CADM2: variants seen among roughly 807,000 people sequenced by gnomAD.
CADM2 encodes immunoglobulin superfamily member 4D.
CADM2 carries 12 observed loss-of-function variants against 49.8 expected under a neutral mutation model. That is an observed-to-expected ratio of 0.24 (90% CI 0.15 to 0.39). The LOEUF (loss-of-function observed/expected upper bound fraction) is 0.39. Among genes scored for constraint, CADM2 ranks in the 10% least tolerant of loss-of-function variants. The probability of loss-of-function intolerance (pLI) is 1.00; values close to 1 mark genes in which losing one functional copy is unlikely to be tolerated. For missense variants in CADM2, 378 were observed against 492.3 expected, an observed-to-expected ratio of 0.77 and a Z score of 2.20; for synonymous variants, 214 against 175.4, an observed-to-expected ratio of 1.22 and a Z score of -1.74.
chr3:85,682,953 C>T (rs2066081673), intron 1 of CADM2, among the ~76,000 whole-genome samples: 1 of 151,766 alleles, frequency 6.6e-6, no homozygotes, highest in Admixed American at 6.6e-5. Context: ...ATAATATGCC[C>T]AAAGGTAAAA....
At chr3:85,964,001 A>T (rs1725166215) in intron 8 of CADM2, among the ~76,000 whole-genome samples, 1 of 151,912 alleles carries the variant, frequency 6.6e-6, no homozygotes, top group East Asian at 2.0e-4. Flanking sequence ...TGCTGTGTTT[A>T]AAAGGGGCGC....
At chr3:85,149,396 T>C (rs1452574945) in intron 1 of CADM2, among the ~76,000 whole-genome samples, 2 of 152,228 alleles carry the variant, frequency 1.3e-5, no homozygotes, top group African/African-American at 4.8e-5. Flanking sequence ...TATGCTTTTA[T>C]AGCAGCAAAA....
At chr3:85,397,989 A>G (rs762165537) in intron 1 of CADM2, among the ~76,000 whole-genome samples, 2 of 152,104 alleles carry the variant, frequency 1.3e-5, no homozygotes, top group African/African-American at 2.4e-5. Context: ...GGTGACATCC[A>G]GAAGCCTTTT....
chr3:84,995,310 A>C (rs2033118299), intron 1 of CADM2, among the ~76,000 whole-genome samples: 1 of 152,202 alleles, frequency 6.6e-6, no homozygotes, highest in Non-Finnish European at 1.5e-5. Flanking sequence ...GCAGAAATGG[A>C]AAGCAAACCT....
intron 1 of CADM2, among the ~76,000 whole-genome samples, chr3:84,980,910 C>A (rs965342734): frequency 2.0e-5 from 3 of 151,872 alleles, no homozygotes; most frequent in Admixed American, 2.0e-4. Context: ...TATATTAGAT[C>A]CTCAGAATCT....
intron 3 of CADM2, among the ~76,000 whole-genome samples, chr3:85,832,042 G>A (rs895881361): frequency 2.0e-5 from 3 of 151,892 alleles, no homozygotes; most frequent in Non-Finnish European, 2.9e-5. Context: ...TCACTCTTCT[G>A]CATGTGGCTA....
chr3:85,178,989 G>T (rs535024013), intron 1 of CADM2, among the ~76,000 whole-genome samples: 4 of 151,688 alleles, frequency 2.6e-5, no homozygotes, highest in Non-Finnish European at 5.9e-5. Context: ...TACTTAACAC[G>T]TCATCAAATT....
intron 1 of CADM2, among the ~76,000 whole-genome samples, chr3:85,499,466 TTGTG>T (rs1319824052): frequency 6.6e-6 from 1 of 151,678 alleles, no homozygotes; most frequent in African/African-American, 2.4e-5. Context: ...TCGGCCACTG[TTGTG>T]TGTGTGTGAC....
chr3:85,893,490 A>G (rs1174565718), intron 5 of CADM2, among the ~76,000 whole-genome samples: 1 of 152,206 alleles, frequency 6.6e-6, no homozygotes, highest in Admixed American at 6.5e-5. Flanking sequence ...GCCAAAATTG[A>G]CAAATGGGAT....
At chr3:85,786,873 A>G (rs754250701) in intron 2 of CADM2, among the ~76,000 whole-genome samples, 1 of 152,090 alleles carries the variant, frequency 6.6e-6, no homozygotes, top group African/African-American at 2.4e-5. Context: ...ATATTAGTCA[A>G]AGGAGAAGTT....
chr3:85,257,917 T>A (rs1329595893), intron 1 of CADM2, among the ~76,000 whole-genome samples: 1 of 152,160 alleles, frequency 6.6e-6, no homozygotes, highest in Non-Finnish European at 1.5e-5. Context: ...ATATTTCACA[T>A]CATAACCTGG....
At chr3:86,046,635 G>A (rs1736719639) in intron 8 of CADM2, among the ~76,000 whole-genome samples, 1 of 152,094 alleles carries the variant, frequency 6.6e-6, no homozygotes, top group African/African-American at 2.4e-5. Context: ...AATGTCAGTA[G>A]GGCCAAGATT....
chr3:86,014,425 T>C (rs775080185), intron 8 of CADM2: 123 of 1,482,074 alleles, frequency 8.3e-5, no homozygotes, highest in Non-Finnish European at 1.1e-4. Flanking sequence ...AATATTGAAG[T>C]TTATCATGAA....
At chr3:85,202,854 A>T (rs2041542059) in intron 1 of CADM2, among the ~76,000 whole-genome samples, 1 of 152,108 alleles carries the variant, frequency 6.6e-6, no homozygotes, top group Non-Finnish European at 1.5e-5. Flanking sequence ...ATCTTAGCTA[A>T]ATCTTCTGTA....
At chr3:85,338,991 A>G (rs2045168086) in intron 1 of CADM2, among the ~76,000 whole-genome samples, 1 of 151,494 alleles carries the variant, frequency 6.6e-6, no homozygotes, top group African/African-American at 2.4e-5. Context: ...GACCATGCAT[A>G]ATTTTCCATA....
intron 1 of CADM2, among the ~76,000 whole-genome samples, chr3:85,390,055 A>T (rs1397687290): frequency 6.6e-6 from 1 of 152,122 alleles, no homozygotes; most frequent in Non-Finnish European, 1.5e-5. Flanking sequence ...AGAAGGAATA[A>T]AAGAATTATA....
At chr3:84,969,219 T>C (rs752697417) in intron 1 of CADM2, among the ~76,000 whole-genome samples, 5 of 152,038 alleles carry the variant, frequency 3.3e-5, no homozygotes, top group Non-Finnish European at 4.4e-5. Context: ...GTGTCTTTTA[T>C]TCTTTTATTT....
intron 1 of CADM2, among the ~76,000 whole-genome samples, chr3:85,366,402 T>C (rs2032786784): frequency 6.6e-6 from 1 of 152,180 alleles, no homozygotes; most frequent in Non-Finnish European, 1.5e-5. Context: ...TGTTAATCAC[T>C]GTCAGAAGCA....
intron 1 of CADM2, among the ~76,000 whole-genome samples, chr3:85,595,944 G>A (rs1420486212): frequency 1.3e-5 from 2 of 151,670 alleles, no homozygotes; most frequent in African/African-American, 4.8e-5. Flanking sequence ...TGCATTTTCT[G>A]TTACCAACAA....
Sources: allele counts gnomAD v4.1 joint callset (sites outside exome capture counted in the v4.1 genomes callset), GRCh38; gene constraint gnomAD v4.1.1; transcripts MANE v1.5; gene names NCBI Gene and HGNC (gene_info 2026-07-23, HGNC 2026-07-21).